SCARB1: variants seen among roughly 807,000 people sequenced by gnomAD.
The protein encoded by SCARB1 is scavenger receptor class B member 1.
In SCARB1, 30 loss-of-function variants were observed where a neutral mutation model predicts 57.2. That is an observed-to-expected ratio of 0.52 (90% CI 0.39 to 0.71). SCARB1 has a LOEUF of 0.71. SCARB1 is among the 30% of genes least tolerant of loss of function. The pLI is 0.00. For missense variants in SCARB1, 543 were observed against 671.2 expected (o/e 0.81, Z 2.11); for synonymous variants, 249 against 268.3 (o/e 0.93, Z 0.70).
intron 1 of SCARB1, among the ~76,000 whole-genome samples, chr12:124,856,691 A>G (rs1319880450): frequency 6.6e-6 from 1 of 152,192 alleles, no homozygotes; most frequent in Non-Finnish European, 1.5e-5. Context: ...CACATGTCCA[A>G]ACAAGGGGGT....
At chr12:124,830,739 C>A (rs1367401828) in intron 1 of SCARB1, among the ~76,000 whole-genome samples, 1 of 152,096 alleles carries the variant, frequency 6.6e-6, no homozygotes, top group Non-Finnish European at 1.5e-5. Flanking sequence ...ATCCATCAAC[C>A]TCTAACCGAA....
rs368025934 is a variant in SCARB1 at position 124,788,876 on chromosome 12, AACAG to A, written c.1203-1423_1203-1420del. Among the ~76,000 whole-genome samples, 216 of 152,314 alleles carry A rather than the reference AACAG, an allele frequency of 1.4e-3. 2 individuals carry two copies. Among genetic ancestry groups the A allele is most frequent in the African/African-American group, 5.1e-3 (210 of 41,572 alleles). ...AGTGTTGCTTGGACTAGCAAAGACA[AACAG>A]ACAAACGACAATATGTATCTTCTCT... On this transcript the variant is annotated intron_variant, in intron 9 of 12. Transcript: ENST00000261693.
chr12:124,863,576 T>TG lies in SCARB1; in HGVS notation c.126+18dup. On this transcript the variant is annotated intron_variant, in intron 1 of 12. Coordinates refer to ENST00000261693, the MANE Select transcript of SCARB1 (RefSeq NM_005505.5). ...AGCCCGGGTCCGTGCGCGGACCCCC[T>TG]GGGGTCTCCCTCACCCACCTTAAGG... 2.5e-6 allele frequency: 4 copies of TG among 1,599,642 alleles called. No homozygotes were observed. The highest frequency in any genetic ancestry group is 3.4e-6 in the Non-Finnish European group (4 of 1,173,272).
At chr12:124,787,307 C>G in intron 10 of SCARB1, 99 bp downstream of exon 10, 1 of 1,105,032 alleles carries the variant, frequency 9.0e-7, no homozygotes. Flanking sequence ...CTGGCTCAGC[C>G]CTCTCCCTTT....
chr12:124,860,647 A>G (rs1015921474), intron 1 of SCARB1, among the ~76,000 whole-genome samples: 8 of 152,252 alleles, frequency 5.3e-5, no homozygotes, highest in Non-Finnish European at 5.9e-5. Context: ...CAAACTGAGC[A>G]CACCTGCTCC....
At chr12:124,831,378 A>C (rs1594329863) in intron 1 of SCARB1, among the ~76,000 whole-genome samples, 1 of 152,214 alleles carries the variant, frequency 6.6e-6, no homozygotes, top group African/African-American at 2.4e-5. Context: ...TGGCCTCCCA[A>C]AGTGCTGGGA....
At chr12:124,819,453 A>T (rs2135701455) in intron 1 of SCARB1, among the ~76,000 whole-genome samples, 1 of 152,366 alleles carries the variant, frequency 6.6e-6, no homozygotes, top group African/African-American at 2.4e-5. Context: ...GGACTATAGG[A>T]AACACGCCTG....
intron 4 of SCARB1, among the ~76,000 whole-genome samples, chr12:124,813,121 C>T (rs1175168272): frequency 6.6e-6 from 1 of 152,162 alleles, no homozygotes. Context: ...GCACACCCAG[C>T]TAAAAGGCTA....
intron 1 of SCARB1, among the ~76,000 whole-genome samples, chr12:124,829,222 G>C (rs769554294): frequency 7.2e-5 from 11 of 152,148 alleles, no homozygotes; most frequent in Admixed American, 2.0e-4. Context: ...CATCAGCAAG[G>C]CTGGGCTGCT....
Position 124,795,115 on chromosome 12 carries a change from C to T in SCARB1, c.1202+80G>A, listed in dbSNP as rs12580323. On this transcript the variant is annotated intron_variant, in intron 9 of 12. Transcript: ENST00000261693. Reference sequence around the variant, plus strand: ...ATGCCCTGGTTCCTGGGGTATGTCACTGGAGTCTGGGACCACTGGAGCACT... The same window carrying T: ...ATGCCCTGGTTCCTGGGGTATGTCATTGGAGTCTGGGACCACTGGAGCACT... The T allele has an allele frequency of 0.014, 16,949 of 1,205,886 alleles. 1,172 individuals are homozygous for T. In the East Asian group the frequency reaches 0.18, roughly 12 times the overall value. 74.7% of individuals were successfully genotyped at this position (1,205,886 alleles called of 1,614,324 possible).
intron 1 of SCARB1, among the ~76,000 whole-genome samples, chr12:124,840,614 T>C (rs1020791260): frequency 6.6e-6 from 1 of 152,134 alleles, no homozygotes; most frequent in Non-Finnish European, 1.5e-5. Flanking sequence ...CCTCCCCCGA[T>C]CTTCTCGTCT....
At chr12:124,821,811 T>A (rs1950966885) in intron 1 of SCARB1, among the ~76,000 whole-genome samples, 1 of 151,198 alleles carries the variant, frequency 6.6e-6, no homozygotes, top group South Asian at 2.1e-4. Flanking sequence ...TCCACCCGGG[T>A]TAAGGGATGG....
At chr12:124,860,385 G>A (rs566492773) in intron 1 of SCARB1, among the ~76,000 whole-genome samples, 1 of 152,368 alleles carries the variant, frequency 6.6e-6, no homozygotes, top group East Asian at 1.9e-4. Flanking sequence ...ATTGAAGACA[G>A]CAGCCTCGGA....
chr12:124,826,494 G>T (rs58186937), intron 1 of SCARB1, among the ~76,000 whole-genome samples: 14,131 of 151,960 alleles, frequency 0.093, 2,027 homozygotes, highest in African/African-American at 0.31. Context: ...ACAGAGTCTC[G>T]CTCAGTTGCC....
At chr12:124,844,050 C>T (rs747851194) in intron 1 of SCARB1, among the ~76,000 whole-genome samples, 8 of 152,062 alleles carry the variant, frequency 5.3e-5, no homozygotes, top group Non-Finnish European at 1.2e-4. Context: ...CCTGCGCATC[C>T]CCAGGAAATT....
intron 1 of SCARB1, among the ~76,000 whole-genome samples, chr12:124,834,620 G>A (rs1422759923): frequency 6.6e-6 from 1 of 152,158 alleles, no homozygotes; most frequent in Non-Finnish European, 1.5e-5. Flanking sequence ...TTGAAGTGTG[G>A]TCCCTGGCTG....
intron 1 of SCARB1, among the ~76,000 whole-genome samples, chr12:124,844,040 C>A (rs1026307286): frequency 2.6e-5 from 4 of 152,146 alleles, no homozygotes; most frequent in African/African-American, 9.7e-5. Flanking sequence ...CAATTCCACT[C>A]CTGCGCATCC....
chr12:124,850,726 G>A lies in SCARB1; in HGVS notation c.126+12869C>T, dbSNP rs974495081. Among the ~76,000 whole-genome samples, 3 of 152,214 alleles carry A rather than the reference G, an allele frequency of 2.0e-5. No homozygotes were observed. In the East Asian group the frequency reaches 5.8e-4, roughly 29 times the overall value. Reference sequence around the variant, plus strand: ...TACATACATAATAAACAGCTGGTAAGCTACTACCTCCTCAAGAGGCCTTGG... The same window carrying A: ...TACATACATAATAAACAGCTGGTAAACTACTACCTCCTCAAGAGGCCTTGG... On this transcript the variant is annotated intron_variant, in intron 1 of 12. Transcript: ENST00000261693.
intron 6 of SCARB1, among the ~76,000 whole-genome samples, chr12:124,808,761 C>T (rs1950411091): frequency 6.6e-6 from 1 of 152,084 alleles, no homozygotes. Context: ...CCATCCCGCC[C>T]TTGACATGGG....
Sources: gnomAD v4.1 joint callset for allele counts (sites outside exome capture counted in the v4.1 genomes callset) on GRCh38, gnomAD v4.1.1 for gene constraint, MANE v1.5 for transcripts, NCBI Gene and HGNC (gene_info 2026-07-23, HGNC 2026-07-21) for gene names.